The following ZEB1 variants were observed in gnomAD, a reference collection of about 807,000 sequenced individuals.
ZEB1 encodes zinc finger E-box-binding homeobox 1.
Under a neutral mutation model 84.9 loss-of-function variants are expected in ZEB1, and 21 were observed. The ratio of observed to expected loss-of-function variants is 0.25; its 90% CI spans 0.18 to 0.36. ZEB1 has a LOEUF of 0.36. Ranked by LOEUF, ZEB1 falls within the 10% of genes least tolerant of loss-of-function variation. ZEB1 has a pLI of 1.00. For missense variants in ZEB1, 1,104 were observed against 1,330.2 expected, an observed-to-expected ratio of 0.83 and a Z score of 2.65; for synonymous variants, 420 against 471.1, an observed-to-expected ratio of 0.89 and a Z score of 1.41.
chr10:31,455,992 G>A (rs1271578648), intron 1 of ZEB1, among the ~76,000 whole-genome samples: 1 of 152,102 alleles, frequency 6.6e-6, no homozygotes, highest in Non-Finnish European at 1.5e-5. Context: ...CAATAGCAAA[G>A]ACTTGGAACC....
At chr10:31,462,834 C>T (rs1735695) in intron 2 of ZEB1, among the ~76,000 whole-genome samples, 5 of 151,634 alleles carry the variant, frequency 3.3e-5, no homozygotes, top group Non-Finnish European at 7.4e-5. Flanking sequence ...TTCAACGAGA[C>T]GGCTGTAATA....
chr10:31,353,275 T>C (rs1564556438), intron 1 of ZEB1, among the ~76,000 whole-genome samples: 1 of 152,262 alleles, frequency 6.6e-6, no homozygotes, highest in South Asian at 2.1e-4. Context: ...AAGGTATGTT[T>C]TAAAGATAAA....
intron 1 of ZEB1, chr10:31,362,997 T>C (rs370865969): frequency 4.6e-6 from 7 of 1,533,632 alleles, no homozygotes; most frequent in Middle Eastern, 4.6e-4. Context: ...GCTTTGCCGG[T>C]GGGGGCCGCT....
chr10:31,348,638 G>A (rs2040766352), intron 1 of ZEB1, among the ~76,000 whole-genome samples: 1 of 152,016 alleles, frequency 6.6e-6, no homozygotes, highest in African/African-American at 2.4e-5. Context: ...TGAGACTTAG[G>A]GATTTTCAAA....
intron 2 of ZEB1, among the ~76,000 whole-genome samples, chr10:31,485,441 C>T (rs1164912772): frequency 6.6e-6 from 1 of 151,852 alleles, no homozygotes; most frequent in East Asian, 1.9e-4. Flanking sequence ...AGCGTTTGCC[C>T]TTATCCACTG....
At chr10:31,473,083 C>A (rs1302179491) in intron 2 of ZEB1, among the ~76,000 whole-genome samples, 2 of 149,368 alleles carry the variant, frequency 1.3e-5, no homozygotes, top group Non-Finnish European at 3.0e-5. Flanking sequence ...CTATCTATGA[C>A]AGACCCACAG....
At chr10:31,480,602 C>A (rs1276984478) in intron 2 of ZEB1, among the ~76,000 whole-genome samples, 1 of 152,034 alleles carries the variant, frequency 6.6e-6, no homozygotes, top group African/African-American at 2.4e-5. Context: ...GGAACACTTC[C>A]ATTTGCACTA....
intron 1 of ZEB1, among the ~76,000 whole-genome samples, chr10:31,381,391 A>G (rs2047603629): frequency 1.3e-5 from 2 of 152,216 alleles, no homozygotes; most frequent in African/African-American, 2.4e-5. Flanking sequence ...CTAGCAATAC[A>G]TTTGAGAGAG....
chr10:31,352,656 C>T (rs1293288179), intron 1 of ZEB1, among the ~76,000 whole-genome samples: 2 of 152,106 alleles, frequency 1.3e-5, no homozygotes, highest in African/African-American at 4.8e-5. Flanking sequence ...TTGGGGGTGG[C>T]CTGGGTGCCT....
chr10:31,422,862 A>G (rs576329951), intron 1 of ZEB1, among the ~76,000 whole-genome samples: 18 of 151,832 alleles, frequency 1.2e-4, no homozygotes, highest in African/African-American at 3.6e-4. Flanking sequence ...GTCTGTTCCA[A>G]TCTTTATGTC....
intron 1 of ZEB1, among the ~76,000 whole-genome samples, chr10:31,452,836 T>G (rs1343633234): frequency 5.9e-5 from 9 of 151,858 alleles, no homozygotes; most frequent in African/African-American, 1.7e-4. Context: ...GGTCAGTGTT[T>G]CCACCGATCT....
chr10:31,390,164 C>A (rs577906670), intron 1 of ZEB1, among the ~76,000 whole-genome samples: 13 of 152,234 alleles, frequency 8.5e-5, no homozygotes, highest in African/African-American at 2.9e-4. Flanking sequence ...TTGAGGCAAA[C>A]TTTTACCAAA....
chr10:31,458,673 G>A (rs1214799437), intron 1 of ZEB1, among the ~76,000 whole-genome samples: 6 of 151,936 alleles, frequency 3.9e-5, no homozygotes, highest in Non-Finnish European at 8.8e-5. Context: ...TACTTCATAA[G>A]TCTTCCCTTT....
At chr10:31,381,516 A>G (rs2047627112) in intron 1 of ZEB1, among the ~76,000 whole-genome samples, 1 of 152,216 alleles carries the variant, frequency 6.6e-6, no homozygotes, top group Admixed American at 6.5e-5. Context: ...TTATTTGACT[A>G]AAAGTAAGAT....
chr10:31,337,830 AC>A (rs1482519948), intron 1 of ZEB1, among the ~76,000 whole-genome samples: 2 of 151,500 alleles, frequency 1.3e-5, no homozygotes, highest in Admixed American at 6.6e-5. Context: ...GATTACAGGC[AC>A]CCACCACCAC....
intron 1 of ZEB1, among the ~76,000 whole-genome samples, chr10:31,416,633 A>G (rs559753672): frequency 5.3e-5 from 8 of 152,264 alleles, no homozygotes; most frequent in Admixed American, 5.2e-4. Context: ...ATTTGACTAA[A>G]GATATCAAAG....
At chr10:31,452,740 TGTGAGAGAGAGAGAGAGAGA>T (rs1301172185) in intron 1 of ZEB1, among the ~76,000 whole-genome samples, 1 of 97,484 alleles carries the variant, frequency 1.0e-5, no homozygotes, top group African/African-American at 7.5e-5. Flanking sequence ...TGTGTGTGTG[TGTGAGAGAGAGAGAGAGAGA>T]GAGAGAGAGA....
chr10:31,478,247 TA>T (rs1400859904), intron 2 of ZEB1, among the ~76,000 whole-genome samples: 4 of 152,030 alleles, frequency 2.6e-5, no homozygotes, highest in South Asian at 4.1e-4. Context: ...ACAAACATTT[TA>T]AAAATGCTTA....
At chr10:31,514,822 C>A in intron 6 of ZEB1, 114 bp downstream of exon 6, 1 of 868,976 alleles carries the variant, frequency 1.2e-6, no homozygotes, top group Non-Finnish European at 1.8e-6. Context: ...TTTCTTTTGG[C>A]ATACACTAAT....
Sources: allele counts gnomAD v4.1 joint callset (sites outside exome capture counted in the v4.1 genomes callset), GRCh38; gene constraint gnomAD v4.1.1; transcripts MANE v1.5; gene names NCBI Gene and HGNC (gene_info 2026-07-23, HGNC 2026-07-21).